RFTN2: variants seen among roughly 807,000 people sequenced by gnomAD.
RFTN2 encodes the protein raftlin family member 2.
In RFTN2, 34 loss-of-function variants were observed where a neutral mutation model predicts 52.7. The ratio of observed to expected loss-of-function variants is 0.64; its 90% confidence interval spans 0.49 to 0.86. RFTN2 has a LOEUF of 0.86. Among genes scored for constraint, RFTN2 ranks in the 40% least tolerant of loss-of-function variants. The pLI is 0.00. For missense variants in RFTN2, 536 were observed against 600.1 expected (o/e 0.89, Z 1.12); for synonymous variants, 203 against 217.7 (o/e 0.93, Z 0.59).
At chr2:197,607,974 G>A (rs2087989354) in intron 7 of RFTN2, among the ~76,000 whole-genome samples, 1 of 152,238 alleles carries the variant, frequency 6.6e-6, no homozygotes, top group Admixed American at 6.5e-5. Context: ...CTCACAGCAA[G>A]ATTACTATGA....
chr2:197,617,376 G>T (rs2088162500), intron 6 of RFTN2, among the ~76,000 whole-genome samples: 1 of 152,164 alleles, frequency 6.6e-6, no homozygotes, highest in Non-Finnish European at 1.5e-5. Context: ...AAAGAAGTTT[G>T]TTCATGCATT....
intron 8 of RFTN2, among the ~76,000 whole-genome samples, chr2:197,588,865 TCA>T (rs893451702): frequency 1.3e-5 from 2 of 152,266 alleles, no homozygotes; most frequent in African/African-American, 4.8e-5. Flanking sequence ...GATAATTGAA[TCA>T]CAGAGATGGG....
chr2:197,580,131 C>T (rs2087481134), intron 8 of RFTN2, among the ~76,000 whole-genome samples: 1 of 152,090 alleles, frequency 6.6e-6, no homozygotes. Context: ...CCATATTATT[C>T]TCAATATGCA....
chr2:197,672,831 C>T (rs368062849), intron 1 of RFTN2, among the ~76,000 whole-genome samples: 8 of 151,126 alleles, frequency 5.3e-5, no homozygotes, highest in South Asian at 4.2e-4. Context: ...ATTCAAAGGC[C>T]AAAAAGAAAA....
intron 7 of RFTN2, among the ~76,000 whole-genome samples, chr2:197,612,906 T>C (rs1013465273): frequency 3.9e-5 from 6 of 152,218 alleles, no homozygotes; most frequent in Admixed American, 2.6e-4. Flanking sequence ...CTTAAGACTC[T>C]GTTGTTGCAT....
At chr2:197,577,714 C>T (rs2087441844) in intron 8 of RFTN2, among the ~76,000 whole-genome samples, 2 of 152,148 alleles carry the variant, frequency 1.3e-5, no homozygotes, top group South Asian at 2.1e-4. Flanking sequence ...CTCTCTGTCA[C>T]CCAGGCTGGA....
rs1394399467 is a variant in RFTN2 at position 197,571,047 on chromosome 2, C to A, written c.*961G>T. On this transcript the variant is annotated 3_prime_UTR_variant, in exon 9 of 9. Transcript: ENST00000295049. ...AAGGGGAAAGAAAAGCAAGATGAAA[C>A]AAAATATGTTATCATACATATCGCG... The A allele has an allele frequency of 2.6e-5, 4 of 152,206 alleles. No homozygotes were observed. The highest frequency in any genetic ancestry group is 2.4e-5 in the African/African-American group (1 of 41,408). 9.4% of individuals were successfully genotyped at this position (152,206 alleles called of 1,614,324 possible). A position where few individuals can be genotyped will look rare whatever the true frequency, so the allele number is the denominator to read the frequency against.
intron 7 of RFTN2, among the ~76,000 whole-genome samples, chr2:197,608,671 T>G (rs2088002837): frequency 6.7e-6 from 1 of 149,526 alleles, no homozygotes; most frequent in Admixed American, 6.7e-5. Context: ...CTGGGGTACA[T>G]GTGCACAACG....
At chr2:197,618,269 G>A (rs1432189130) in intron 5 of RFTN2, among the ~76,000 whole-genome samples, 1 of 152,108 alleles carries the variant, frequency 6.6e-6, no homozygotes, top group Non-Finnish European at 1.5e-5. Flanking sequence ...TATTTTTTTG[G>A]TGGAGACGGG....
At chr2:197,592,125 A>C (rs1317351344) in intron 8 of RFTN2, among the ~76,000 whole-genome samples, 2 of 152,190 alleles carry the variant, frequency 1.3e-5, no homozygotes, top group Non-Finnish European at 2.9e-5. Context: ...CCTCTCAATA[A>C]CAGTACTGTT....
chr2:197,602,219 T>C (rs1013743370), intron 7 of RFTN2, among the ~76,000 whole-genome samples: 3 of 150,312 alleles, frequency 2.0e-5, no homozygotes, highest in East Asian at 4.0e-4. Flanking sequence ...GCGTGCGCCA[T>C]TATGCCTGGC....
In RFTN2 at chr2:197,599,319, G is replaced by A. The variant is rs1488885565; in HGVS notation, c.1155-3250C>T. ...TGGATAGGCTGCCTAGAGCCATGCT[G>A]AGGACACATATTTTTCACCATCTTT... On this transcript the variant is annotated intron_variant, in intron 7 of 8. Transcript: ENST00000295049. 5.3e-5 allele frequency among the ~76,000 whole-genome samples: 8 copies of A among 152,172 alleles called. No homozygotes were observed. The East Asian group carries it at 1.3e-3, about 26-fold the overall frequency.
chr2:197,628,700 T>C (rs139362670), intron 5 of RFTN2, among the ~76,000 whole-genome samples: 94 of 152,262 alleles, frequency 6.2e-4, no homozygotes, highest in Non-Finnish European at 1.2e-3. Flanking sequence ...AGTACTGTAA[T>C]TGCACATAAC....
At chr2:197,576,833 C>A (rs983934052) in intron 8 of RFTN2, among the ~76,000 whole-genome samples, 1 of 152,152 alleles carries the variant, frequency 6.6e-6, no homozygotes, top group African/African-American at 2.4e-5. Flanking sequence ...GCCAAGTTAC[C>A]GGAGTTGAGC....
At chr2:197,618,550 G>A (rs1369308079) in intron 5 of RFTN2, among the ~76,000 whole-genome samples, 3 of 150,080 alleles carry the variant, frequency 2.0e-5, no homozygotes, top group East Asian at 2.0e-4. Flanking sequence ...GCCGCCCATC[G>A]TCTGGGATGT....
intron 7 of RFTN2, among the ~76,000 whole-genome samples, chr2:197,613,297 C>T (rs1011952407): frequency 5.3e-5 from 8 of 152,076 alleles, no homozygotes; most frequent in South Asian, 4.1e-4. Flanking sequence ...AGGTACTTTG[C>T]GTGTATTATC....
chr2:197,592,465 G>A (rs2087733768), intron 8 of RFTN2, among the ~76,000 whole-genome samples: 1 of 152,198 alleles, frequency 6.6e-6, no homozygotes, highest in African/African-American at 2.4e-5. Context: ...AAAGTGCTGG[G>A]ATTACAGGCG....
At chr2:197,632,160 T>C (rs1036753217) in intron 4 of RFTN2, among the ~76,000 whole-genome samples, 5 of 152,204 alleles carry the variant, frequency 3.3e-5, no homozygotes, top group African/African-American at 1.2e-4. Flanking sequence ...AGTTTAAAGG[T>C]AGGAATGGGT....
At chr2:197,648,438 G>A (rs2088782868) in intron 1 of RFTN2, among the ~76,000 whole-genome samples, 1 of 152,144 alleles carries the variant, frequency 6.6e-6, no homozygotes, top group African/African-American at 2.4e-5. Flanking sequence ...GGGCTTCCTT[G>A]TAAACAGCCC....
Sources: allele counts gnomAD v4.1 joint callset (sites outside exome capture counted in the v4.1 genomes callset), GRCh38; gene constraint gnomAD v4.1.1; transcripts MANE v1.5; gene names NCBI Gene and HGNC (gene_info 2026-07-23, HGNC 2026-07-21).